MRTFA: variants seen among roughly 807,000 people sequenced by gnomAD.
The protein encoded by MRTFA is myocardin-related transcription factor A.
A neutral mutation model predicts 83.5 loss-of-function variants in MRTFA; 20 were observed. The ratio of observed to expected loss-of-function variants is 0.24; its 90% CI spans 0.17 to 0.35. MRTFA has a LOEUF of 0.35. Among genes scored for constraint, MRTFA ranks in the 10% least tolerant of loss-of-function variants. MRTFA has a pLI of 1.00. For missense variants in MRTFA, 1,200 were observed against 1,224.7 expected, an observed-to-expected ratio of 0.98 and a Z score of 0.30; for synonymous variants, 659 against 541.2, an observed-to-expected ratio of 1.22 and a Z score of -3.02.
intron 3 of MRTFA, among the ~76,000 whole-genome samples, chr22:40,541,656 G>A (rs1183666377): frequency 2.0e-5 from 3 of 152,180 alleles, no homozygotes; most frequent in African/African-American, 7.2e-5. Flanking sequence ...GGCTGTGTGT[G>A]TGTGTGTGTA....
chr22:40,594,071 C>G (rs542414556), intron 2 of MRTFA, among the ~76,000 whole-genome samples: 2 of 152,334 alleles, frequency 1.3e-5, no homozygotes, highest in South Asian at 2.1e-4. Flanking sequence ...AGCCAAAGCT[C>G]TATCTGGTGT....
At chr22:40,603,869 T>C (rs2056287964) in intron 1 of MRTFA, among the ~76,000 whole-genome samples, 1 of 151,908 alleles carries the variant, frequency 6.6e-6, no homozygotes, top group Admixed American at 6.6e-5. Context: ...CACCTTGGCC[T>C]TCCATAGTGC....
intron 1 of MRTFA, among the ~76,000 whole-genome samples, chr22:40,618,381 G>C (rs1034804551): frequency 6.6e-5 from 10 of 151,428 alleles, no homozygotes; most frequent in Non-Finnish European, 1.3e-4. Flanking sequence ...TGAGCCACCA[G>C]GCCTGGCCAC....
intron 3 of MRTFA, among the ~76,000 whole-genome samples, chr22:40,539,504 A>G (rs2055251156): frequency 7.4e-6 from 1 of 134,506 alleles, no homozygotes; most frequent in Non-Finnish European, 1.7e-5. Flanking sequence ...ATGCCCGGCT[A>G]ATTTTTGTGT....
chr22:40,499,635 C>G (rs1602341603), intron 3 of MRTFA, among the ~76,000 whole-genome samples: 1 of 152,148 alleles, frequency 6.6e-6, no homozygotes, highest in East Asian at 1.9e-4. Context: ...TCCTTCCTCC[C>G]TATAATTACA....
At chr22:40,439,165 G>T (rs1171932864) in intron 4 of MRTFA, among the ~76,000 whole-genome samples, 1 of 152,126 alleles carries the variant, frequency 6.6e-6, no homozygotes. Flanking sequence ...TCAACCTAGA[G>T]TTCTTTCCAC....
At chr22:40,527,553 C>T (rs1043299118) in intron 3 of MRTFA, among the ~76,000 whole-genome samples, 27 of 151,826 alleles carry the variant, frequency 1.8e-4, no homozygotes, top group African/African-American at 5.3e-4. Context: ...GTTAGGAGAT[C>T]GAGACTATCC....
chr22:40,524,876 C>T (rs550058589), intron 3 of MRTFA, among the ~76,000 whole-genome samples: 6 of 152,170 alleles, frequency 3.9e-5, no homozygotes, highest in Admixed American at 6.5e-5. Context: ...GTCGCAATCT[C>T]GGCTCACTGC....
Position 40,463,182 on chromosome 22 carries a change from A to C in MRTFA, c.307+39T>G, listed in dbSNP as rs756895281. ...ACTCGGTGAACACAGCCATGTCCTAAAAGCAATCTACCAAATGCTGAGAGA... is the reference window on the plus strand; with the variant it reads ...ACTCGGTGAACACAGCCATGTCCTACAAGCAATCTACCAAATGCTGAGAGA... On this transcript the variant is annotated intron_variant, in intron 4 of 14. Coordinates refer to ENST00000355630, the MANE Select transcript of MRTFA (RefSeq NM_020831.6). 15 of 1,578,818 alleles carry C rather than the reference A, an allele frequency of 9.5e-6. No individual in the cohort carries two copies. In the Admixed American group the frequency reaches 1.2e-4, roughly 12 times the overall value.
At chr22:40,562,394 G>A (rs1188735707) in intron 2 of MRTFA, among the ~76,000 whole-genome samples, 1 of 151,448 alleles carries the variant, frequency 6.6e-6, no homozygotes, top group East Asian at 1.9e-4. Context: ...ACTTAACACT[G>A]TATGGATCCA....
intron 2 of MRTFA, among the ~76,000 whole-genome samples, chr22:40,555,053 G>A (rs979353462): frequency 6.6e-6 from 1 of 152,226 alleles, no homozygotes; most frequent in Non-Finnish European, 1.5e-5. Flanking sequence ...CTCAATGCCT[G>A]TATCCCCATT....
intron 1 of MRTFA, among the ~76,000 whole-genome samples, chr22:40,634,992 G>C (rs1222614251): frequency 6.6e-6 from 1 of 151,642 alleles, no homozygotes; most frequent in Non-Finnish European, 1.5e-5. Flanking sequence ...ATAGTTATTG[G>C]CCAAAAACTG....
At chr22:40,608,171 C>T (rs137885161) in intron 1 of MRTFA, among the ~76,000 whole-genome samples, 2 of 152,170 alleles carry the variant, frequency 1.3e-5, no homozygotes, top group East Asian at 3.9e-4. Flanking sequence ...ACTACACACC[C>T]GGCTACTTTT....
chr22:40,455,099 C>G (rs1015917176), intron 4 of MRTFA, among the ~76,000 whole-genome samples: 3 of 152,138 alleles, frequency 2.0e-5, no homozygotes, highest in African/African-American at 7.2e-5. Flanking sequence ...TGTGCCTGGC[C>G]TAAAACTCCA....
Position 40,418,974 on chromosome 22 carries a change from G to A in MRTFA, c.1764C>T (p.Thr588=). 1 of 1,612,854 alleles carries A rather than the reference G, an allele frequency of 6.2e-7. No homozygotes were observed. Among genetic ancestry groups the A allele is most frequent in the Non-Finnish European group, 8.5e-7 (1 of 1,179,920 alleles). Reference sequence around the variant, plus strand: ...GGATCTGCAGTGGCGAGGCCTGCAGGGTCAGCTGCGTCAGAGGTGATGTCA... The same window carrying A: ...GGATCTGCAGTGGCGAGGCCTGCAGAGTCAGCTGCGTCAGAGGTGATGTCA... Residue 588 remains threonine (T), a synonymous_variant, in exon 12 of 15, where the codon ACC becomes ACT. Transcript: ENST00000355630.
Position 40,620,519 on chromosome 22 carries a change from C to T in MRTFA, c.-84+15959G>A, listed in dbSNP as rs142004471. Among the ~76,000 whole-genome samples the T allele has an allele frequency of 2.0e-3, 303 of 150,118 alleles. 3 individuals are homozygous for T. In the East Asian group the frequency reaches 0.026, roughly 13 times the overall value. On this transcript the variant is annotated intron_variant, in intron 1 of 14. Transcript: ENST00000355630. ...GAACTCCTGACCTCAGGTGATCCACCTGGCTTGGCTTCCCAAAGTGCTGGG... is the reference window on the plus strand; with the variant it reads ...GAACTCCTGACCTCAGGTGATCCACTTGGCTTGGCTTCCCAAAGTGCTGGG...
chr22:40,499,161 G>A (rs766963118), intron 3 of MRTFA, among the ~76,000 whole-genome samples: 18 of 152,082 alleles, frequency 1.2e-4, no homozygotes, highest in Admixed American at 4.6e-4. Flanking sequence ...CGTTTTTCTC[G>A]TAAAGATGTC....
Position 40,418,628 on chromosome 22 carries a change from G to A in MRTFA, c.2110C>T (p.Pro704Ser), listed in dbSNP as rs1349380167. 2.6e-6 allele frequency: 4 copies of A among 1,530,842 alleles called. No homozygotes were observed. The highest frequency in any genetic ancestry group is 1.4e-5 in the African/African-American group (1 of 72,118). 94.8% of individuals were successfully genotyped at this position (1,530,842 alleles called of 1,614,324 possible). A position where few individuals can be genotyped will look rare whatever the true frequency, so the allele number is the denominator to read the frequency against. ...CAAGGGTCTATGTGGTTGGTGGCTG[G>A]GGCCGCCAGGCTGGGGTTGAATGGG... The change falls in exon 12 of 15, where the codon CCA becomes TCA. Residue 704 changes from proline to serine, a missense_variant. Pro to Ser is a moderately conservative substitution (Grantham distance 74). Around this residue, in one of 2 missense-constraint regions of MRTFA, gnomAD observed 1,107 missense variants for 1,041.8 expected, o/e 1.06. Transcript: ENST00000355630.
At chr22:40,547,365 G>A (rs1274691349) in intron 3 of MRTFA, among the ~76,000 whole-genome samples, 1 of 151,932 alleles carries the variant, frequency 6.6e-6, no homozygotes, top group Non-Finnish European at 1.5e-5. Context: ...AGAAAAAGCA[G>A]GATCAAGAGT....
Sources: gnomAD v4.1 joint callset for allele counts (sites outside exome capture counted in the v4.1 genomes callset) on GRCh38, gnomAD v4.1.1 for gene constraint, gnomAD v4.1.1 regional missense constraint, MANE v1.5 for transcripts, NCBI Gene and HGNC (gene_info 2026-07-23, HGNC 2026-07-21) for gene names.